ACVR1B: variants seen among roughly 807,000 people sequenced by gnomAD.
The protein encoded by ACVR1B is activin A receptor type 1B, also known as activin receptor type-1B.
ACVR1B carries 15 observed loss-of-function variants against 55.6 expected under a neutral mutation model. That is an observed-to-expected ratio of 0.27 (90% CI 0.18 to 0.42). ACVR1B has a LOEUF of 0.42. Among genes scored for constraint, ACVR1B ranks in the 10% least tolerant of loss-of-function variants. ACVR1B has a pLI of 1.00. For missense variants in ACVR1B, 359 were observed against 670.1 expected, an observed-to-expected ratio of 0.54 and a Z score of 5.13; for synonymous variants, 247 against 254.6, an observed-to-expected ratio of 0.97 and a Z score of 0.28.
chr12:51,977,030 C>G (rs1941871957), intron 3 of ACVR1B, among the ~76,000 whole-genome samples: 1 of 152,122 alleles, frequency 6.6e-6, no homozygotes, highest in Non-Finnish European at 1.5e-5. Flanking sequence ...TTTGGTGAAT[C>G]ATTGACTTGT....
At position 51,996,512 on chromosome 12, in the gene ACVR1B, C is replaced by T. The variant is rs11169974; in HGVS notation, c.*2402C>T. The T allele has an allele frequency of 0.028, 4,209 of 152,746 alleles. 66 individuals carry two copies. Among genetic ancestry groups the T allele is most frequent in the Middle Eastern group, 0.064 (19 of 296 alleles). The allele number at this position is 152,746 out of a possible 1,614,324, so 9.5% of individuals were successfully genotyped here. A position where few individuals can be genotyped will look rare whatever the true frequency, so the allele number is the denominator to read the frequency against. ...TTACCCCTGCTGACCTCCCACCTAT[C>T]CGCCCTGCAGCAGAACCTTGGCGGT... On this transcript the variant is annotated 3_prime_UTR_variant, in exon 9 of 9. Coordinates refer to ENST00000257963, the MANE Select transcript of ACVR1B (RefSeq NM_004302.5).
rs1023302845 is a variant in ACVR1B, at chr12:51,964,567, T to C, written c.92-10698T>C. The stretch of plus-strand genomic sequence containing the variant: ...CCAAGTTCATGAAGTTTTACCCCTC[T>C]TCTGAGAGTTTTAGAAGTTTAAGTT... On this transcript the variant is annotated intron_variant, in intron 1 of 8. Transcript: ENST00000257963. 3.5e-4 allele frequency among the ~76,000 whole-genome samples: 54 copies of C among 152,238 alleles called. 1 individual carries two copies. The highest frequency in any genetic ancestry group is 2.2e-4 in the Non-Finnish European group (15 of 68,042).
At chr12:51,959,286 G>C (rs1050627070) in intron 1 of ACVR1B, among the ~76,000 whole-genome samples, 1 of 152,216 alleles carries the variant, frequency 6.6e-6, no homozygotes, top group African/African-American at 2.4e-5. Flanking sequence ...AGATTTCTCA[G>C]CTGATTGCAC....
chr12:51,989,666 A>G (rs1414186157), intron 7 of ACVR1B, among the ~76,000 whole-genome samples: 1 of 152,194 alleles, frequency 6.6e-6, no homozygotes, highest in African/African-American at 2.4e-5. Context: ...ACTTAAAAAA[A>G]TGCAGTGCTA....
At chr12:51,963,398 C>T (rs568341723) in intron 1 of ACVR1B, among the ~76,000 whole-genome samples, 39 of 152,272 alleles carry the variant, frequency 2.6e-4, no homozygotes, top group East Asian at 1.9e-4. Flanking sequence ...GCATGCGCCA[C>T]CGCGCCCAGT....
chr12:51,994,140 G>A lies in ACVR1B; in HGVS notation c.*30G>A, dbSNP rs1230139446. 6.2e-7 allele frequency: 1 copy of A among 1,609,718 alleles called. No homozygotes were observed. Among genetic ancestry groups the A allele is most frequent in the Admixed American group, 1.7e-5 (1 of 59,970 alleles). ...TCCCTCTCTCCACACGGAGCTCCTG[G>A]CAGCGAGAACTACGCACAGCTGCCG... is the stretch of plus-strand genomic sequence containing the variant. On this transcript the variant is annotated 3_prime_UTR_variant, in exon 9 of 9. Coordinates refer to ENST00000257963, the MANE Select transcript of ACVR1B (RefSeq NM_004302.5). The surrounding 1 kb of genome is among the most constrained non-coding windows in gnomAD (Gnocchi z 4.2).
intron 8 of ACVR1B, chr12:51,992,253 G>C (rs564428915): frequency 2.0e-6 from 1 of 508,194 alleles, no homozygotes; most frequent in East Asian, 3.1e-5. Flanking sequence ...GCCTGTAATC[G>C]TAGCGCTTTG....
In ACVR1B at chr12:51,994,096, G is replaced by T. The variant is rs748466345; in HGVS notation, c.1504G>T (p.Asp502Tyr). ...KTLSQLSVQE[D>Y]VKI is the part of the protein sequence containing the mutation. Reference sequence around the variant, plus strand: ...CCTCTCCCAGCTCAGCGTGCAGGAAGACGTGAAGATCTAACTGCTCCCTCT... The same window carrying T: ...CCTCTCCCAGCTCAGCGTGCAGGAATACGTGAAGATCTAACTGCTCCCTCT... The change falls in exon 9 of 9, where the codon GAC becomes TAC. Residue 502 changes from aspartate to tyrosine, a missense_variant. Physicochemically the swap from Asp to Tyr is radical, Grantham distance 160. Coordinates refer to ENST00000257963, the MANE Select transcript of ACVR1B (RefSeq NM_004302.5). The surrounding 1 kb of genome is among the most constrained non-coding windows in gnomAD (Gnocchi z 4.2). The T allele has an allele frequency of 6.2e-7, 1 of 1,613,776 alleles. No individual in the cohort carries two copies. The highest frequency in any genetic ancestry group is 2.2e-5 in the East Asian group (1 of 44,882).
At chr12:51,962,626 C>A (rs955683715) in intron 1 of ACVR1B, among the ~76,000 whole-genome samples, 1 of 151,988 alleles carries the variant, frequency 6.6e-6, no homozygotes, top group Non-Finnish European at 1.5e-5. Context: ...TGCCTTCCTG[C>A]CCCCCAAGAA....
chr12:51,993,945 A>G (rs1268116291), intron 8 of ACVR1B, 40 bp from the exon 9 acceptor site: 7 of 1,610,444 alleles, frequency 4.3e-6, no homozygotes, highest in Non-Finnish European at 5.9e-6. Flanking sequence ...AGGCTTCTCC[A>G]GGGCATGACC....
At chr12:51,979,968 T>C (rs971661962) in intron 3 of ACVR1B, among the ~76,000 whole-genome samples, 1 of 152,056 alleles carries the variant, frequency 6.6e-6, no homozygotes, top group Non-Finnish European at 1.5e-5. Flanking sequence ...CGGGGGCTAA[T>C]TTGAGAAACA....
chr12:51,965,951 A>G (rs933018011), intron 1 of ACVR1B, among the ~76,000 whole-genome samples: 16 of 152,104 alleles, frequency 1.1e-4, no homozygotes, highest in African/African-American at 3.4e-4. Context: ...TAGACTAAAG[A>G]TGTGTGTGTG....
In ACVR1B at chr12:51,951,721, CGGCGGCGGCGGCGGT is replaced by C. The variant is rs2120378808; in HGVS notation, c.-20_-6del. ...GCTGGGCGCTGCTGGGCTGCGGCGGCGGCGGCGGCGGCGGTGGTTACTATGGCGGAGTCGGCCGGA... is the reference window on the plus strand; with the variant it reads ...GCTGGGCGCTGCTGGGCTGCGGCGGCGGTTACTATGGCGGAGTCGGCCGGA... On this transcript the variant is annotated 5_prime_UTR_variant, in exon 1 of 9. Transcript: ENST00000257963. The C allele has an allele frequency of 6.7e-6, 8 of 1,190,046 alleles. No homozygotes were observed. Among genetic ancestry groups the C allele is most frequent in the East Asian group, 7.0e-5 (2 of 28,464 alleles). The allele number at this position is 1,190,046 out of a possible 1,614,324, so 73.7% of individuals were successfully genotyped here. A position where few individuals can be genotyped will look rare whatever the true frequency, so the allele number is the denominator to read the frequency against.
chr12:51,980,468 T>G (rs1941955675), intron 3 of ACVR1B, among the ~76,000 whole-genome samples: 1 of 152,218 alleles, frequency 6.6e-6, no homozygotes, highest in Non-Finnish European at 1.5e-5. Context: ...AGCAGAGCAT[T>G]GCTCTCTTTG....
intron 7 of ACVR1B, among the ~76,000 whole-genome samples, chr12:51,988,011 T>C (rs1445137369): frequency 6.6e-6 from 1 of 152,250 alleles, no homozygotes; most frequent in Non-Finnish European, 1.5e-5. Flanking sequence ...AAAAATCTAA[T>C]CTACAAAAAA....
Position 51,976,582 on chromosome 12 carries a change from A to G in ACVR1B, c.580+7A>G. 6.2e-7 allele frequency: 1 copy of G among 1,612,348 alleles called. No individual in the cohort carries two copies. The highest frequency in any genetic ancestry group is 8.5e-7 in the Non-Finnish European group (1 of 1,179,858). Reference sequence around the variant, plus strand: ...ACCTCAGGGTCTGGCTCAGGTACCAAGTTCTTCAGGGCATCATGTCTGTGG... The same window carrying G: ...ACCTCAGGGTCTGGCTCAGGTACCAGGTTCTTCAGGGCATCATGTCTGTGG... On this transcript the variant is annotated splice_region_variant and intron_variant, in intron 3 of 8. Transcript: ENST00000257963.
chr12:51,956,657 C>A (rs898587920), intron 1 of ACVR1B, among the ~76,000 whole-genome samples: 5 of 152,098 alleles, frequency 3.3e-5, no homozygotes, highest in Non-Finnish European at 5.9e-5. Flanking sequence ...AACTGAATTA[C>A]CAAATCTTCA....
intron 1 of ACVR1B, among the ~76,000 whole-genome samples, chr12:51,964,394 C>T (rs1169143244): frequency 2.0e-5 from 3 of 152,098 alleles, no homozygotes; most frequent in Non-Finnish European, 4.4e-5. Context: ...GTATGATTTG[C>T]GTATATTTTC....
chr12:51,994,727 AGTGT>A lies in ACVR1B; in HGVS notation c.*628_*631del, dbSNP rs140145955. On this transcript the variant is annotated 3_prime_UTR_variant, in exon 9 of 9. Transcript: ENST00000257963. The surrounding 1 kb of genome is among the most constrained non-coding windows in gnomAD (Gnocchi z 4.2). ...TGCCATGCCCTTACACGTGCGTGTG[AGTGT>A]GTGTGTGTGTCTGTAGGTGCGCACT... is the stretch of plus-strand genomic sequence containing the variant. 17 of 152,842 alleles carry A rather than the reference AGTGT, an allele frequency of 1.1e-4. No homozygotes were observed. The highest frequency in any genetic ancestry group is 1.5e-4 in the Non-Finnish European group (10 of 68,608). 9.5% of individuals were successfully genotyped at this position (152,842 alleles called of 1,614,324 possible). A position where few individuals can be genotyped will look rare whatever the true frequency, so the allele number is the denominator to read the frequency against.
Sources: gnomAD v4.1 joint callset for allele counts (sites outside exome capture counted in the v4.1 genomes callset) on GRCh38, gnomAD v4.1.1 for gene constraint, Gnocchi (gnomAD v3.1) non-coding constraint, MANE v1.5 for transcripts, NCBI Gene and HGNC (gene_info 2026-07-23, HGNC 2026-07-21) for gene names.